Variants in DSCAM observed in about 807,000 individuals in gnomAD.
The protein encoded by DSCAM is cell adhesion molecule DSCAM.
Under a neutral mutation model 217.7 loss-of-function variants are expected in DSCAM, and 47 were observed. The observed-to-expected ratio is 0.22, with a 90% CI of 0.17 to 0.28. The LOEUF (loss-of-function observed/expected upper bound fraction) is 0.28. DSCAM is among the 10% of genes least tolerant of loss of function. The probability of loss-of-function intolerance (pLI) is 1.00; values close to 1 mark genes in which losing one functional copy is unlikely to be tolerated. For synonymous variants in DSCAM, 1,056 were observed against 1,015.3 expected (o/e 1.04, Z -0.76); for missense variants, 2,080 against 2,618.3 (o/e 0.79, Z 4.49).
At chr21:40,805,387 G>C (rs1041685224) in intron 1 of DSCAM, among the ~76,000 whole-genome samples, 1 of 152,134 alleles carries the variant, frequency 6.6e-6, no homozygotes, top group Non-Finnish European at 1.5e-5. Context: ...ACATCAGTGA[G>C]ATTCCATGCC....
At chr21:40,425,340 AC>A (rs1210121877) in intron 3 of DSCAM, among the ~76,000 whole-genome samples, 1 of 152,130 alleles carries the variant, frequency 6.6e-6, no homozygotes, top group African/African-American at 2.4e-5. Context: ...AGCCTGGCCA[AC>A]ATGGTGAAAC....
At chr21:40,106,292 T>C (rs2089819671) in intron 20 of DSCAM, among the ~76,000 whole-genome samples, 1 of 152,204 alleles carries the variant, frequency 6.6e-6, no homozygotes, top group South Asian at 2.1e-4. Context: ...AAATGTGAGG[T>C]ACAATTCAAG....
chr21:40,231,429 G>C lies in DSCAM; in HGVS notation c.2357-42191C>G, dbSNP rs535237257. 3.6e-3 allele frequency among the ~76,000 whole-genome samples: 546 copies of C among 152,140 alleles called. 4 individuals carry two copies. Among genetic ancestry groups the C allele is most frequent in the African/African-American group, 0.012 (515 of 41,524 alleles). On this transcript the variant is annotated intron_variant, in intron 11 of 32. Coordinates refer to ENST00000400454, the MANE Select transcript of DSCAM (RefSeq NM_001389.5). ...GTGACACCTATCTCCCTAGATTTCC[G>C]GGTGAGAGTTTATCTCTGTCAATTC...
chr21:40,339,062 T>A lies in DSCAM; in HGVS notation c.1507+57A>T, dbSNP rs117449097. 1,012 of 1,585,822 alleles carry A rather than the reference T, an allele frequency of 6.4e-4. 5 individuals carry two copies. The highest frequency in any genetic ancestry group is 5.4e-3 in the African/African-American group (401 of 74,366). ...CCCAGCTCGGTGCATGCAGAAATCT[T>A]CTTCTCCACTATAATGAGTTATGTG... On this transcript the variant is annotated intron_variant, in intron 7 of 32. Coordinates refer to ENST00000400454, the MANE Select transcript of DSCAM (RefSeq NM_001389.5).
chr21:40,308,805 C>G (rs115660982), intron 9 of DSCAM, among the ~76,000 whole-genome samples: 219 of 152,248 alleles, frequency 1.4e-3, no homozygotes, highest in African/African-American at 5.0e-3. Flanking sequence ...ACCTGTTACT[C>G]TGTGATGGTC....
chr21:40,411,984 T>C (rs753849811), intron 3 of DSCAM, among the ~76,000 whole-genome samples: 3 of 152,176 alleles, frequency 2.0e-5, no homozygotes, highest in Non-Finnish European at 4.4e-5. Flanking sequence ...CGCTTTCCTG[T>C]TCTTGTGGTA....
chr21:40,336,052 C>T (rs1389532132), intron 8 of DSCAM, among the ~76,000 whole-genome samples: 2 of 151,964 alleles, frequency 1.3e-5, no homozygotes, highest in African/African-American at 2.4e-5. Context: ...ACATCTTTAC[C>T]CTAAAGCTCA....
intron 8 of DSCAM, among the ~76,000 whole-genome samples, chr21:40,330,325 A>G (rs1457095147): frequency 1.4e-5 from 2 of 147,058 alleles, no homozygotes; most frequent in Admixed American, 6.9e-5. Flanking sequence ...TTATATATTT[A>G]TTATATTATA....
intron 20 of DSCAM, among the ~76,000 whole-genome samples, chr21:40,104,699 C>T (rs540149833): frequency 1.3e-5 from 2 of 152,220 alleles, no homozygotes; most frequent in Non-Finnish European, 2.9e-5. Flanking sequence ...ACTATGAACA[C>T]TGGCTAATAA....
chr21:40,741,858 T>C (rs897960866), intron 1 of DSCAM, among the ~76,000 whole-genome samples: 6 of 152,234 alleles, frequency 3.9e-5, no homozygotes, highest in Non-Finnish European at 8.8e-5. Flanking sequence ...CTTAGTGTTC[T>C]TGTATTGACT....
chr21:40,178,502 C>G (rs903805077), intron 15 of DSCAM, among the ~76,000 whole-genome samples: 12 of 152,210 alleles, frequency 7.9e-5, no homozygotes, highest in African/African-American at 2.9e-4. Context: ...ACATCTCCCG[C>G]ACAGTAAGCA....
Position 40,294,909 on chromosome 21 carries a change from C to G in DSCAM, c.2182+1146G>C, listed in dbSNP as rs557583799. ...TGTGTGGTGTGTGACAGGGGAGTTG[C>G]TTCAGGGACTTTTAAAAATTTAGCT... On this transcript the variant is annotated intron_variant, in intron 10 of 32. Coordinates refer to ENST00000400454, the MANE Select transcript of DSCAM (RefSeq NM_001389.5). 8.5e-5 allele frequency among the ~76,000 whole-genome samples: 13 copies of G among 152,200 alleles called. No individual in the cohort carries two copies. In the South Asian group the frequency reaches 2.7e-3, roughly 32 times the overall value.
At position 40,078,739 on chromosome 21, in the gene DSCAM, A is replaced by G. The variant is rs369604085; in HGVS notation, c.4659T>C (p.Ser1553=). 124 of 1,614,036 alleles carry G rather than the reference A, an allele frequency of 7.7e-5. No homozygotes were observed. Among genetic ancestry groups the G allele is most frequent in the Non-Finnish European group, 1.0e-4 (118 of 1,180,034 alleles). ...WYELQMRVCN[S]AGCAEKQANF... is the part of the protein sequence containing the mutation. ...TGGCCTGCTTCTCCGCGCAGCCCGC[A>G]CTGTTGCACACCCGCATCTGCAGCT... The change falls in exon 26 of 33, where the codon AGT becomes AGC. Residue 1553 remains serine, a synonymous_variant. Coordinates refer to ENST00000400454, the MANE Select transcript of DSCAM (RefSeq NM_001389.5).
rs1168913130 is a variant in DSCAM at position 40,637,613 on chromosome 21, A to ATC, written c.508+55196_508+55197insGA. Among the ~76,000 whole-genome samples, 128 of 50,392 alleles carry ATC rather than the reference A, an allele frequency of 2.5e-3. 4 individuals are homozygous for ATC. Among genetic ancestry groups the ATC allele is most frequent in the South Asian group, 4.5e-3 (6 of 1,344 alleles). The allele number at this position is 50,392 out of a possible 152,430, so 33.1% of individuals were successfully genotyped here. On this transcript the variant is annotated intron_variant, in intron 3 of 32. Coordinates refer to ENST00000400454, the MANE Select transcript of DSCAM (RefSeq NM_001389.5). ...TATATAAATATATATATAAATATAT[A>ATC]TAAATATATACATATATAAATATAT...
intron 15 of DSCAM, among the ~76,000 whole-genome samples, chr21:40,177,035 C>G (rs548071427): frequency 6.6e-6 from 1 of 152,136 alleles, no homozygotes; most frequent in African/African-American, 2.4e-5. Context: ...TGGGATGGGG[C>G]GAGATTAGAA....
chr21:40,127,232 C>A (rs2090103804), intron 19 of DSCAM, among the ~76,000 whole-genome samples: 1 of 152,172 alleles, frequency 6.6e-6, no homozygotes, highest in Non-Finnish European at 1.5e-5. Flanking sequence ...ATCCTTATGT[C>A]CTTGGATTAT....
At chr21:40,768,806 T>C (rs2091418964) in intron 1 of DSCAM, among the ~76,000 whole-genome samples, 1 of 152,162 alleles carries the variant, frequency 6.6e-6, no homozygotes, top group Non-Finnish European at 1.5e-5. Flanking sequence ...CAGTAGTTAC[T>C]GAGAACAGAA....
intron 3 of DSCAM, among the ~76,000 whole-genome samples, chr21:40,536,125 T>C (rs79796876): frequency 0.12 from 18,970 of 152,042 alleles, 2,154 homozygotes; most frequent in African/African-American, 0.29. Context: ...CCAGCAAATG[T>C]GCGAAAAACA....
chr21:40,317,936 A>AAGAATGACTTAGTTTACTG (rs2074217370), intron 8 of DSCAM, among the ~76,000 whole-genome samples: 1 of 152,304 alleles, frequency 6.6e-6, no homozygotes, highest in Non-Finnish European at 1.5e-5. Context: ...TGAAGTCATT[A>AAGAATGACTTAGTTTACTG]AGAATGACTT....
Sources: gnomAD v4.1 joint callset for allele counts (sites outside exome capture counted in the v4.1 genomes callset) on GRCh38, gnomAD v4.1.1 for gene constraint, MANE v1.5 for transcripts, NCBI Gene and HGNC (gene_info 2026-07-23, HGNC 2026-07-21) for gene names.